The following ADAMTSL1 variants were observed in gnomAD, a reference collection of about 807,000 sequenced individuals.
ADAMTSL1 encodes the protein ADAMTS-like protein 1.
Under a neutral mutation model 201.8 loss-of-function variants are expected in ADAMTSL1, and 126 were observed. The ratio of observed to expected loss-of-function variants is 0.62; its 90% CI spans 0.54 to 0.72. The LOEUF is 0.72. Among genes scored for constraint, ADAMTSL1 ranks in the 30% least tolerant of loss-of-function variants. ADAMTSL1 has a pLI of 0.00. For synonymous variants in ADAMTSL1, 1,121 were observed against 903.4 expected, an observed-to-expected ratio of 1.24 and a Z score of -4.32; for missense variants, 2,679 against 2,277.8, an observed-to-expected ratio of 1.18 and a Z score of -3.59.
chr9:18,142,108 C>G (rs147571853), intron 1 of ADAMTSL1, among the ~76,000 whole-genome samples: 12 of 152,276 alleles, frequency 7.9e-5, no homozygotes, highest in African/African-American at 2.9e-4. Context: ...GTTCCAATAG[C>G]TTTAGAAACA....
At chr9:18,348,888 A>T (rs563337333) in intron 2 of ADAMTSL1, among the ~76,000 whole-genome samples, 1 of 152,310 alleles carries the variant, frequency 6.6e-6, no homozygotes, top group East Asian at 1.9e-4. Context: ...TCCTACATAA[A>T]ATAACAACTA....
intron 2 of ADAMTSL1, among the ~76,000 whole-genome samples, chr9:18,238,299 C>G (rs1167896764): frequency 6.6e-6 from 1 of 152,174 alleles, no homozygotes; most frequent in African/African-American, 2.4e-5. Context: ...TTTCATTACA[C>G]TTACAGTGAC....
intron 2 of ADAMTSL1, among the ~76,000 whole-genome samples, chr9:18,183,735 C>T (rs1342313715): frequency 6.6e-6 from 1 of 152,112 alleles, no homozygotes; most frequent in Non-Finnish European, 1.5e-5. Context: ...AACTTATGTG[C>T]AACATTCAGT....
chr9:18,837,014 T>C (rs757999086), intron 23 of ADAMTSL1, among the ~76,000 whole-genome samples: 2 of 152,172 alleles, frequency 1.3e-5, no homozygotes, highest in African/African-American at 4.8e-5. Flanking sequence ...TTTGGAAGTC[T>C]TTAGGGTTTT....
intron 2 of ADAMTSL1, among the ~76,000 whole-genome samples, chr9:18,438,640 G>C (rs1434064340): frequency 6.6e-6 from 1 of 152,164 alleles, no homozygotes; most frequent in Non-Finnish European, 1.5e-5. Context: ...CCTAGAGGGG[G>C]CTGCAGCACC....
chr9:18,571,921 G>A (rs899956112), intron 3 of ADAMTSL1, among the ~76,000 whole-genome samples: 2 of 152,130 alleles, frequency 1.3e-5, no homozygotes, highest in South Asian at 2.1e-4. Context: ...GGCCAGTTGC[G>A]GTGGCTCATG....
intron 1 of ADAMTSL1, among the ~76,000 whole-genome samples, chr9:18,033,969 A>G (rs1821087241): frequency 6.6e-6 from 1 of 152,134 alleles, no homozygotes; most frequent in Non-Finnish European, 1.5e-5. Flanking sequence ...CATTCCTTGT[A>G]CTTTTCTTCC....
At chr9:18,697,072 C>T (rs1375611182) in intron 13 of ADAMTSL1, among the ~76,000 whole-genome samples, 4 of 151,292 alleles carry the variant, frequency 2.6e-5, no homozygotes, top group South Asian at 2.1e-4. Context: ...TTAGTAGAGA[C>T]GAGGTTTCAC....
intron 2 of ADAMTSL1, among the ~76,000 whole-genome samples, chr9:18,421,344 A>G (rs1238086610): frequency 1.3e-5 from 2 of 152,106 alleles, no homozygotes; most frequent in Admixed American, 6.5e-5. Flanking sequence ...CTTCATTCAT[A>G]CTGCAAAGTT....
chr9:18,559,981 C>G (rs535131637), intron 3 of ADAMTSL1, among the ~76,000 whole-genome samples: 2 of 152,222 alleles, frequency 1.3e-5, no homozygotes, highest in African/African-American at 4.8e-5. Context: ...TCCCCTTTTC[C>G]TATTTGTATA....
chr9:18,206,287 T>C (rs1205686405), intron 2 of ADAMTSL1, among the ~76,000 whole-genome samples: 12 of 152,062 alleles, frequency 7.9e-5, no homozygotes, highest in Admixed American at 5.2e-4. Context: ...ATTTGCCAGG[T>C]ACACTATTTG....
chr9:18,560,012 C>A (rs922899498), intron 3 of ADAMTSL1, among the ~76,000 whole-genome samples: 1 of 152,122 alleles, frequency 6.6e-6, no homozygotes, highest in African/African-American at 2.4e-5. Context: ...CTTTCTCTTG[C>A]CTGATTGCCC....
intron 28 of ADAMTSL1, chr9:18,908,067 A>G (rs1417666896): frequency 3.7e-6 from 1 of 273,166 alleles, no homozygotes; most frequent in African/African-American, 2.3e-5. Context: ...TAAAATACCA[A>G]AACCCACGGG....
At chr9:17,918,333 T>C (rs1279683646) in intron 1 of ADAMTSL1, among the ~76,000 whole-genome samples, 1 of 80,028 alleles carries the variant, frequency 1.2e-5, no homozygotes, top group Non-Finnish European at 2.4e-5. Flanking sequence ...TAAATTTCTA[T>C]ATGTATTTTT....
chr9:18,492,630 A>G (rs1010235293), intron 1 of ADAMTSL1, among the ~76,000 whole-genome samples: 3 of 152,206 alleles, frequency 2.0e-5, no homozygotes, highest in Admixed American at 1.3e-4. Flanking sequence ...CTTATATTTA[A>G]AAAAATAACT....
chr9:18,585,586 G>A (rs1200787950), intron 4 of ADAMTSL1, among the ~76,000 whole-genome samples: 1 of 152,004 alleles, frequency 6.6e-6, no homozygotes, highest in Admixed American at 6.6e-5. Flanking sequence ...TCTATTATAT[G>A]ACACCCTTTT....
chr9:18,364,142 C>T (rs867701126), intron 2 of ADAMTSL1, among the ~76,000 whole-genome samples: 13 of 152,150 alleles, frequency 8.5e-5, no homozygotes, highest in Admixed American at 2.0e-4. Flanking sequence ...CTTATATTAC[C>T]GGGACAAGAG....
At chr9:18,069,495 T>C (rs1822858208) in intron 1 of ADAMTSL1, among the ~76,000 whole-genome samples, 1 of 152,214 alleles carries the variant, frequency 6.6e-6, no homozygotes, top group African/African-American at 2.4e-5. Flanking sequence ...CAGCACACTC[T>C]GATATTGCCT....
At chr9:17,954,232 T>G (rs752535130) in intron 1 of ADAMTSL1, among the ~76,000 whole-genome samples, 36 of 152,184 alleles carry the variant, frequency 2.4e-4, no homozygotes, top group Non-Finnish European at 4.4e-4. Context: ...AGTAAGCATT[T>G]CAAGAGGCCT....
Sources: gnomAD v4.1 joint callset for allele counts (sites outside exome capture counted in the v4.1 genomes callset) on GRCh38, gnomAD v4.1.1 for gene constraint, MANE v1.5 for transcripts, NCBI Gene and HGNC (gene_info 2026-07-23, HGNC 2026-07-21) for gene names.